The following ARRB1 variants were observed in gnomAD, a reference collection of about 807,000 sequenced individuals.
The protein encoded by ARRB1 is beta-arrestin-1.
A neutral mutation model predicts 56.8 loss-of-function variants in ARRB1; 21 were observed. That is an observed-to-expected ratio of 0.37 (90% CI 0.26 to 0.53). The LOEUF (loss-of-function observed/expected upper bound fraction) is 0.53. Ranked by LOEUF, ARRB1 falls within the 20% of genes least tolerant of loss-of-function variation. The pLI is 0.88. For synonymous variants in ARRB1, 210 were observed against 218.6 expected, an observed-to-expected ratio of 0.96 and a Z score of 0.35; for missense variants, 424 against 553.7, an observed-to-expected ratio of 0.77 and a Z score of 2.35.
intron 1 of ARRB1, among the ~76,000 whole-genome samples, chr11:75,335,457 C>A (rs1947587827): frequency 6.6e-6 from 1 of 152,114 alleles, no homozygotes; most frequent in South Asian, 2.1e-4. Flanking sequence ...TGGTGGCGAA[C>A]ACCTGTGGTC....
At chr11:75,322,421 G>A (rs1048189972) in intron 1 of ARRB1, among the ~76,000 whole-genome samples, 55 of 152,302 alleles carry the variant, frequency 3.6e-4, no homozygotes, top group South Asian at 1.5e-3. Flanking sequence ...CAGGAGAATC[G>A]CTTGTACCCA....
At chr11:75,306,638 G>A in intron 1 of ARRB1, 1 of 1,288,942 alleles carries the variant, frequency 7.8e-7, no homozygotes, top group Non-Finnish European at 1.0e-6. Context: ...CTGTGAGGTG[G>A]AGGGAGCCTG....
At chr11:75,281,819 G>A (rs1946349928) in intron 6 of ARRB1, 143 bp downstream of exon 6, 2 of 800,472 alleles carry the variant, frequency 2.5e-6, no homozygotes, top group East Asian at 2.7e-5. Flanking sequence ...GTTGTCCAAG[G>A]TGGGACCAGC....
intron 1 of ARRB1, among the ~76,000 whole-genome samples, chr11:75,290,712 A>C (rs1192663658): frequency 6.6e-6 from 1 of 152,022 alleles, no homozygotes; most frequent in Non-Finnish European, 1.5e-5. Context: ...CTCTCAAGTC[A>C]CTGGGACCAC....
intron 1 of ARRB1, among the ~76,000 whole-genome samples, chr11:75,327,485 G>A (rs1184688326): frequency 6.6e-6 from 1 of 151,938 alleles, no homozygotes; most frequent in African/African-American, 2.4e-5. Flanking sequence ...AATTTATTGA[G>A]GTGGGTGCAG....
intron 6 of ARRB1, chr11:75,281,569 G>A (rs978260888): frequency 3.1e-6 from 1 of 324,676 alleles, no homozygotes; most frequent in African/African-American, 2.1e-5. Flanking sequence ...GAGGAAGCTG[G>A]GCTCAAAGCT....
chr11:75,279,312 C>T (rs1277785652), intron 7 of ARRB1, among the ~76,000 whole-genome samples: 4 of 152,142 alleles, frequency 2.6e-5, no homozygotes, highest in Admixed American at 6.5e-5. Flanking sequence ...AGGGAGGAGG[C>T]GTGGATTCAG....
At chr11:75,310,782 G>C (rs1445057507) in intron 1 of ARRB1, among the ~76,000 whole-genome samples, 1 of 152,272 alleles carries the variant, frequency 6.6e-6, no homozygotes, top group Admixed American at 6.5e-5. Flanking sequence ...TTTAGCTCAG[G>C]TTCATGTGAA....
At chr11:75,295,960 G>A (rs559783177) in intron 1 of ARRB1, among the ~76,000 whole-genome samples, 4 of 152,154 alleles carry the variant, frequency 2.6e-5, no homozygotes, top group Admixed American at 6.5e-5. Flanking sequence ...TGAGGCGGGC[G>A]GATCACTTGA....
At chr11:75,281,533 C>T (rs530682072) in intron 6 of ARRB1, 20 of 319,182 alleles carry the variant, frequency 6.3e-5, no homozygotes, top group Admixed American at 2.3e-4. Context: ...CAAGGAGGCA[C>T]GTGCTGTTAT....
At chr11:75,304,102 G>C (rs1252269541) in intron 1 of ARRB1, among the ~76,000 whole-genome samples, 1 of 152,150 alleles carries the variant, frequency 6.6e-6, no homozygotes, top group Non-Finnish European at 1.5e-5. Flanking sequence ...CCTGACACAA[G>C]ACAGGCCATT....
chr11:75,269,568 C>G (rs1316941114), intron 13 of ARRB1, among the ~76,000 whole-genome samples: 1 of 152,242 alleles, frequency 6.6e-6, no homozygotes, highest in African/African-American at 2.4e-5. Flanking sequence ...AAGACCCAGC[C>G]ACCAGCCAGT....
intron 1 of ARRB1, among the ~76,000 whole-genome samples, chr11:75,305,789 G>A (rs2371216): frequency 0.22 from 33,973 of 151,902 alleles, 4,211 homozygotes; most frequent in African/African-American, 0.31. Context: ...ATACTAAACA[G>A]TAACACACCT....
rs1657083540 is a variant in ARRB1, at chr11:75,263,769, A to G, written c.*2394T>C. On this transcript the variant is annotated 3_prime_UTR_variant, in exon 16 of 16. Transcript: ENST00000420843. ...AAAAAAAAAAAAAGATAGTGCTCTG[A>G]TCCTTCCCTGCAGCTGGAGAAATTT... Among the ~76,000 whole-genome samples the G allele has an allele frequency of 6.6e-6, 1 of 151,810 alleles. No individual in the cohort carries two copies. The highest frequency in any genetic ancestry group is 2.1e-4 in the South Asian group (1 of 4,822).
chr11:75,342,842 C>A (rs1591993101), intron 1 of ARRB1, among the ~76,000 whole-genome samples: 2 of 152,340 alleles, frequency 1.3e-5, no homozygotes, highest in Admixed American at 1.3e-4. Context: ...CAATCCCCTT[C>A]CCAGAGAGCT....
chr11:75,303,520 T>C (rs994833279), intron 1 of ARRB1: 3 of 454,516 alleles, frequency 6.6e-6, no homozygotes, highest in Non-Finnish European at 1.3e-5. Flanking sequence ...CTTTGCTTCC[T>C]TCCATTCGTC....
chr11:75,297,498 G>T (rs140831295), intron 1 of ARRB1, among the ~76,000 whole-genome samples: 51 of 152,196 alleles, frequency 3.4e-4, no homozygotes, highest in Non-Finnish European at 6.6e-4. Context: ...TTCAACAAAT[G>T]ATGCTAGGAC....
chr11:75,306,556 A>G, intron 1 of ARRB1: 1 of 1,259,380 alleles, frequency 7.9e-7, no homozygotes, highest in Non-Finnish European at 1.0e-6. Flanking sequence ...GTCTTACCCC[A>G]TTTTACAGAT....
intron 1 of ARRB1, among the ~76,000 whole-genome samples, chr11:75,315,080 C>T (rs530558871): frequency 3.9e-5 from 6 of 152,292 alleles, no homozygotes; most frequent in South Asian, 2.1e-4. Flanking sequence ...CCCCACGCTG[C>T]GGGATGGGGG....
Sources: allele counts gnomAD v4.1 joint callset (sites outside exome capture counted in the v4.1 genomes callset), GRCh38; gene constraint gnomAD v4.1.1; transcripts MANE v1.5; gene names NCBI Gene and HGNC (gene_info 2026-07-23, HGNC 2026-07-21).